The following LSS variants were observed in gnomAD, a reference collection of about 807,000 sequenced individuals.
The protein encoded by LSS is 2,3-epoxysqualene-lanosterol cyclase.
In LSS, 90 loss-of-function variants were observed where a neutral mutation model predicts 110.3. The observed-to-expected ratio is 0.82, with a 90% confidence interval of 0.69 to 0.97. LSS has a LOEUF of 0.97. Among genes scored for constraint, LSS ranks in the 50% least tolerant of loss-of-function variants. LSS has a pLI of 0.00. For synonymous variants in LSS, 433 were observed against 400.0 expected, an observed-to-expected ratio of 1.08 and a Z score of -0.98; for missense variants, 927 against 990.0, an observed-to-expected ratio of 0.94 and a Z score of 0.85.
intron 11 of LSS, among the ~76,000 whole-genome samples, chr21:46,211,488 G>A (rs2080134295): frequency 6.6e-6 from 1 of 152,172 alleles, no homozygotes; most frequent in Non-Finnish European, 1.5e-5. Context: ...GGGCTGGGAA[G>A]GCTCCACCTC....
chr21:46,219,418 C>CA (rs1393133315), intron 6 of LSS, 58 bp downstream of exon 6: 1 of 1,298,858 alleles, frequency 7.7e-7, no homozygotes, highest in African/African-American at 1.5e-5. Flanking sequence ...CGGTCCCTGT[C>CA]ACTCTACTCC....
In LSS at chr21:46,213,062, G is replaced by GA. The variant is rs2080154570; in HGVS notation, c.1110-11dup. ...GCCGTCAAGGCCCATCCTGTGAGGA[G>GA]AAAAAAGCCCAAGTCAGGTGCAAGG... is the stretch of plus-strand genomic sequence containing the variant. On this transcript the variant is annotated splice_polypyrimidine_tract_variant and intron_variant, in intron 10 of 21. Transcript: ENST00000397728. The GA allele has an allele frequency of 6.2e-7, 1 of 1,613,310 alleles. No individual in the cohort carries two copies. The highest frequency in any genetic ancestry group is 1.7e-5 in the Admixed American group (1 of 59,980).
At chr21:46,204,705 C>T (rs897242265) in intron 17 of LSS, among the ~76,000 whole-genome samples, 5 of 152,106 alleles carry the variant, frequency 3.3e-5, no homozygotes, top group Non-Finnish European at 5.9e-5. Context: ...CCAGGCCCAA[C>T]TGGCATTTCC....
intron 11 of LSS, among the ~76,000 whole-genome samples, chr21:46,211,383 C>A (rs933959695): frequency 1.4e-4 from 21 of 152,180 alleles, no homozygotes; most frequent in Non-Finnish European, 3.1e-4. Context: ...CCCACCTTGG[C>A]CTCCCAAAGT....
At chr21:46,198,217 T>C (rs1195901532) in intron 17 of LSS, among the ~76,000 whole-genome samples, 1 of 150,530 alleles carries the variant, frequency 6.6e-6, no homozygotes, top group African/African-American at 2.5e-5. Flanking sequence ...CAGTGAGCTA[T>C]GATGGCACCA....
At chr21:46,226,690 C>T (rs372440663) in intron 3 of LSS, among the ~76,000 whole-genome samples, 21 of 152,316 alleles carry the variant, frequency 1.4e-4, no homozygotes, top group African/African-American at 4.8e-4. Flanking sequence ...CTGTTTTTAA[C>T]GTTAAAGGCC....
At chr21:46,219,387 T>C in intron 6 of LSS, 89 bp downstream of exon 6, 1 of 892,934 alleles carries the variant, frequency 1.1e-6, no homozygotes, top group South Asian at 2.0e-5. Flanking sequence ...CTCTCTGCTG[T>C]CACAGCCTGC....
intron 17 of LSS, among the ~76,000 whole-genome samples, chr21:46,197,978 T>G (rs529971216): frequency 6.6e-4 from 100 of 151,946 alleles, no homozygotes; most frequent in Non-Finnish European, 1.0e-3. Context: ...AATACAAAGG[T>G]GTCTTAACAT....
rs2080392616 is a variant in LSS at position 46,228,750 on chromosome 21, G to A, written c.-5C>T. ...GACTCACGTGCCCTCCGTCATTGCT[G>A]CTGCAGTGCTCTACGCCGCCCACTG... On this transcript the variant is annotated 5_prime_UTR_variant, in exon 1 of 22. Transcript: ENST00000397728. 1 of 1,596,248 alleles carries A rather than the reference G, an allele frequency of 6.3e-7. No homozygotes were observed. The highest frequency in any genetic ancestry group is 8.5e-7 in the Non-Finnish European group (1 of 1,177,270).
rs2079769492 is a variant in LSS, at chr21:46,189,152, ATTAAG to A, written c.*1947_*1951del. The A allele has an allele frequency of 1.3e-5, 3 of 231,142 alleles. No individual in the cohort carries two copies. The highest frequency in any genetic ancestry group is 2.6e-5 in the Non-Finnish European group (3 of 114,720). 14.3% of individuals were successfully genotyped at this position (231,142 alleles called of 1,614,324 possible). ...CTGATAAGGGAATCAATGTCTGTTT[ATTAAG>A]GCAGATGCTCATAAAAGTGACTTTC... On this transcript the variant is annotated 3_prime_UTR_variant, in exon 22 of 22. Transcript: ENST00000397728.
chr21:46,227,757 T>C, intron 2 of LSS, 67 bp from the exon 3 acceptor site: 3 of 1,563,364 alleles, frequency 1.9e-6, no homozygotes, highest in Non-Finnish European at 2.6e-6. Flanking sequence ...AGAGGAACCC[T>C]CTTCACATAC....
intron 6 of LSS, among the ~76,000 whole-genome samples, chr21:46,218,133 C>G (rs1449180137): frequency 8.3e-6 from 1 of 120,104 alleles, no homozygotes; most frequent in East Asian, 2.8e-4. Flanking sequence ...TCATCTAACA[C>G]AAGGGACCCC....
intron 6 of LSS, among the ~76,000 whole-genome samples, chr21:46,217,705 C>A (rs546660397): frequency 6.6e-6 from 1 of 152,322 alleles, no homozygotes; most frequent in East Asian, 1.9e-4. Flanking sequence ...GACCGACGGC[C>A]CCCCCAAGTG....
intron 11 of LSS, among the ~76,000 whole-genome samples, chr21:46,212,062 G>GCAGGGAGGGGA (rs1330586648): frequency 8.7e-6 from 1 of 115,490 alleles, no homozygotes; most frequent in Non-Finnish European, 1.9e-5. Context: ...GCAGGGAGGG[G>GCAGGGAGGGGA]CAGGGAGGGG....
intron 4 of LSS, 105 bp from the exon 5 acceptor site, chr21:46,222,080 T>C: frequency 2.2e-6 from 3 of 1,343,484 alleles, no homozygotes; most frequent in Non-Finnish European, 3.1e-6. Flanking sequence ...AATGCTAAAA[T>C]GCCTTAACCT....
At chr21:46,196,105 C>G in intron 18 of LSS, 97 bp downstream of exon 18, 1 of 1,249,554 alleles carries the variant, frequency 8.0e-7, no homozygotes, top group Non-Finnish European at 1.2e-6. Flanking sequence ...TCTGGTGTAG[C>G]AACAACATAC....
At chr21:46,219,191 G>GTCCC (rs1169264102) in intron 6 of LSS, among the ~76,000 whole-genome samples, 22 of 152,294 alleles carry the variant, frequency 1.4e-4, no homozygotes, top group African/African-American at 5.1e-4. Flanking sequence ...CAGATGCTGA[G>GTCCC]TCTTCCACAG....
chr21:46,207,341 G>A, intron 15 of LSS, 87 bp downstream of exon 15: 2 of 1,504,612 alleles, frequency 1.3e-6, no homozygotes, highest in African/African-American at 2.7e-5. Flanking sequence ...CTGTGTGCTG[G>A]GCTGGAGCCC....
intron 17 of LSS, among the ~76,000 whole-genome samples, chr21:46,202,962 C>A (rs1236397205): frequency 6.6e-6 from 1 of 152,202 alleles, no homozygotes; most frequent in Non-Finnish European, 1.5e-5. Context: ...ACCATTGCTC[C>A]CCTGCGGGCC....
Sources: allele counts gnomAD v4.1 joint callset (sites outside exome capture counted in the v4.1 genomes callset), GRCh38; gene constraint gnomAD v4.1.1; transcripts MANE v1.5; gene names NCBI Gene and HGNC (gene_info 2026-07-23, HGNC 2026-07-21).